The following SGCZ variants were observed in gnomAD, a reference collection of about 807,000 sequenced individuals.
SGCZ encodes the protein zeta-sarcoglycan.
Under a neutral mutation model 41.3 loss-of-function variants are expected in SGCZ, and 40 were observed. The observed-to-expected ratio is 0.97, with a 90% CI of 0.75 to 1.26. SGCZ has a LOEUF of 1.26. Ranked by LOEUF, SGCZ falls within the 50% of genes most tolerant of loss-of-function variation. SGCZ has a pLI of 0.00. For synonymous variants in SGCZ, 206 were observed against 137.5 expected (o/e 1.50, Z -3.49); for missense variants, 552 against 369.8 (o/e 1.49, Z -4.04).
chr8:14,511,173 C>G (rs116758671), intron 2 of SGCZ, among the ~76,000 whole-genome samples: 2,930 of 151,582 alleles, frequency 0.019, 85 homozygotes, highest in African/African-American at 0.067. Flanking sequence ...GCCATGGGCT[C>G]TATCTGCTTG....
chr8:15,099,108 A>G (rs1806503607), intron 1 of SGCZ, among the ~76,000 whole-genome samples: 1 of 152,194 alleles, frequency 6.6e-6, no homozygotes, highest in Non-Finnish European at 1.5e-5. Context: ...AGGTTTTATT[A>G]AACCATGGTT....
intron 1 of SGCZ, among the ~76,000 whole-genome samples, chr8:15,012,622 T>C (rs1802876508): frequency 1.9e-5 from 2 of 105,116 alleles, no homozygotes; most frequent in Non-Finnish European, 4.0e-5. Flanking sequence ...TATATGTTTA[T>C]ATAATATATA....
At chr8:15,088,108 T>C (rs1806015939) in intron 1 of SGCZ, among the ~76,000 whole-genome samples, 1 of 152,148 alleles carries the variant, frequency 6.6e-6, no homozygotes, top group Admixed American at 6.5e-5. Flanking sequence ...AAAATTACCA[T>C]TTTCTGAGTA....
At chr8:15,073,942 A>G (rs549203939) in intron 1 of SGCZ, among the ~76,000 whole-genome samples, 8 of 152,342 alleles carry the variant, frequency 5.3e-5, no homozygotes, top group African/African-American at 1.7e-4. Flanking sequence ...ACATAGGCCA[A>G]CCTAACTATG....
At chr8:15,185,193 A>G (rs1162820036) in intron 1 of SGCZ, among the ~76,000 whole-genome samples, 2 of 152,172 alleles carry the variant, frequency 1.3e-5, no homozygotes, top group East Asian at 1.9e-4. Context: ...AGTTAGGAGG[A>G]AAAAATAGAG....
At chr8:14,577,599 G>A (rs1339293603) in intron 1 of SGCZ, among the ~76,000 whole-genome samples, 1 of 151,910 alleles carries the variant, frequency 6.6e-6, no homozygotes, top group Non-Finnish European at 1.5e-5. Context: ...TATTGGCCAG[G>A]CTGGTCTCCA....
chr8:14,796,773 C>A (rs2130487576), intron 1 of SGCZ, among the ~76,000 whole-genome samples: 1 of 152,246 alleles, frequency 6.6e-6, no homozygotes, highest in South Asian at 2.1e-4. Flanking sequence ...CCTAGAATCC[C>A]CACATGTGGT....
chr8:15,205,917 G>T (rs904145971), intron 1 of SGCZ, among the ~76,000 whole-genome samples: 21 of 152,168 alleles, frequency 1.4e-4, no homozygotes, highest in Admixed American at 1.4e-3. Flanking sequence ...AAAAAAGAAT[G>T]AAATTGTGTC....
At chr8:15,189,328 T>C (rs1800453396) in intron 1 of SGCZ, among the ~76,000 whole-genome samples, 1 of 152,188 alleles carries the variant, frequency 6.6e-6, no homozygotes, top group Non-Finnish European at 1.5e-5. Context: ...ATGTTTATTG[T>C]ACAAAAGCAA....
intron 1 of SGCZ, among the ~76,000 whole-genome samples, chr8:15,224,799 C>T (rs545232870): frequency 2.0e-4 from 31 of 152,170 alleles, no homozygotes; most frequent in African/African-American, 5.8e-4. Flanking sequence ...TTCGTAAAAG[C>T]TGATATAGCT....
intron 1 of SGCZ, among the ~76,000 whole-genome samples, chr8:14,755,326 A>G (rs187584679): frequency 1.3e-5 from 2 of 152,198 alleles, no homozygotes; most frequent in African/African-American, 4.8e-5. Context: ...TGCACTTTCT[A>G]TTTGTTGTTA....
At chr8:15,045,355 C>A (rs1208300079) in intron 1 of SGCZ, among the ~76,000 whole-genome samples, 1 of 151,970 alleles carries the variant, frequency 6.6e-6, no homozygotes, top group Non-Finnish European at 1.5e-5. Flanking sequence ...TTCTCTTATC[C>A]AGTGGTAAAG....
chr8:14,532,528 TA>T (rs1385098882), intron 2 of SGCZ, among the ~76,000 whole-genome samples: 2 of 151,892 alleles, frequency 1.3e-5, no homozygotes, highest in Non-Finnish European at 2.9e-5. Flanking sequence ...AGCAGCAAGA[TA>T]AAGAGAGCTA....
At chr8:15,162,736 G>A (rs1217924775) in intron 1 of SGCZ, among the ~76,000 whole-genome samples, 3 of 152,128 alleles carry the variant, frequency 2.0e-5, no homozygotes, top group Non-Finnish European at 2.9e-5. Context: ...TTTCTCTCAT[G>A]ATCTGTGTAA....
At chr8:14,668,953 T>C (rs1808006908) in intron 1 of SGCZ, among the ~76,000 whole-genome samples, 1 of 151,818 alleles carries the variant, frequency 6.6e-6, no homozygotes, top group South Asian at 2.1e-4. Context: ...TGTGTGTTTG[T>C]GGTGAGAACA....
chr8:14,657,681 C>T (rs1807621036), intron 1 of SGCZ, among the ~76,000 whole-genome samples: 2 of 152,108 alleles, frequency 1.3e-5, no homozygotes. Flanking sequence ...AAGATTGGTT[C>T]CAAAACGTGT....
chr8:15,105,226 A>G (rs1325616309), intron 1 of SGCZ, among the ~76,000 whole-genome samples: 1 of 152,176 alleles, frequency 6.6e-6, no homozygotes, highest in African/African-American at 2.4e-5. Context: ...TTCTTTGCAT[A>G]TTAATAGATC....
intron 3 of SGCZ, among the ~76,000 whole-genome samples, chr8:14,277,109 A>C (rs1483308485): frequency 6.6e-6 from 1 of 152,166 alleles, no homozygotes; most frequent in Non-Finnish European, 1.5e-5. Context: ...GACATCCTCC[A>C]CTAATAACAT....
chr8:14,679,247 AT>A (rs1259584477), intron 1 of SGCZ, among the ~76,000 whole-genome samples: 2 of 152,114 alleles, frequency 1.3e-5, no homozygotes, highest in Non-Finnish European at 2.9e-5. Flanking sequence ...TTGTATTATT[AT>A]TTTAGAGTGT....
Sources: gnomAD v4.1 joint callset for allele counts (sites outside exome capture counted in the v4.1 genomes callset) on GRCh38, gnomAD v4.1.1 for gene constraint, MANE v1.5 for transcripts, NCBI Gene and HGNC (gene_info 2026-07-23, HGNC 2026-07-21) for gene names.